GPHN: variants seen among roughly 807,000 people sequenced by gnomAD.
The protein encoded by GPHN is gephyrin.
GPHN carries 17 observed loss-of-function variants against 95.5 expected under a neutral mutation model. The observed-to-expected ratio is 0.18, with a 90% CI of 0.12 to 0.27. The LOEUF (loss-of-function observed/expected upper bound fraction) is 0.27. GPHN is among the 10% of genes least tolerant of loss of function. The pLI, the probability that GPHN is intolerant of heterozygous loss-of-function variation, is 1.00. For missense variants in GPHN, 660 were observed against 978.1 expected, an observed-to-expected ratio of 0.67 and a Z score of 4.34; for synonymous variants, 320 against 322.5, an observed-to-expected ratio of 0.99 and a Z score of 0.08.
chr14:66,696,456 G>A (rs1042783801), intron 2 of GPHN, among the ~76,000 whole-genome samples: 2 of 152,160 alleles, frequency 1.3e-5, no homozygotes, highest in Non-Finnish European at 1.5e-5. Flanking sequence ...TTGTTTTTGT[G>A]TGTGTGCCTC....
intron 8 of GPHN, among the ~76,000 whole-genome samples, chr14:66,948,343 G>T (rs2067882477): frequency 6.6e-6 from 1 of 151,954 alleles, no homozygotes; most frequent in African/African-American, 2.4e-5. Context: ...TTATAAAAAA[G>T]ATCTCTTGAT....
the GPHN span, among the ~76,000 whole-genome samples, chr14:67,609,300 T>C: frequency 6.6e-6 from 1 of 152,212 alleles, no homozygotes; most frequent in African/African-American, 2.4e-5. Context: ...TAACGCATAT[T>C]TTAAAGGATA....
At chr14:66,676,912 T>G (rs1056914673) in intron 1 of GPHN, among the ~76,000 whole-genome samples, 1 of 151,974 alleles carries the variant, frequency 6.6e-6, no homozygotes, top group Non-Finnish European at 1.5e-5. Context: ...TTAAAGCTTT[T>G]TGGTCCTGGG....
At chr14:67,106,139 C>T (rs2078028729) in intron 13 of GPHN, among the ~76,000 whole-genome samples, 1 of 152,098 alleles carries the variant, frequency 6.6e-6, no homozygotes, top group Non-Finnish European at 1.5e-5. Context: ...ACTATTTCTC[C>T]CTCATTTCCA....
the GPHN span, chr14:67,279,245 A>G: frequency 3.7e-6 from 6 of 1,613,678 alleles, no homozygotes; most frequent in South Asian, 6.6e-5. Flanking sequence ...ATCTTGCATC[A>G]CCAGAGGAAC....
At chr14:67,094,240 T>A (rs1163377330) in intron 12 of GPHN, among the ~76,000 whole-genome samples, 2 of 152,092 alleles carry the variant, frequency 1.3e-5, no homozygotes, top group African/African-American at 4.8e-5. Flanking sequence ...CAATTTCATA[T>A]CAAATAATAT....
chr14:67,643,853 A>T, the GPHN span, among the ~76,000 whole-genome samples: 5 of 2,158 alleles, frequency 2.3e-3, no homozygotes, highest in East Asian at 0.062. Context: ...CCTTGGGAGT[A>T]AAAAAAAAAA....
the GPHN span, among the ~76,000 whole-genome samples, chr14:67,328,361 C>A: frequency 1.3e-5 from 2 of 152,088 alleles, no homozygotes; most frequent in Non-Finnish European, 2.9e-5. Context: ...TGTTTAAGTT[C>A]TTTGTAGATT....
chr14:67,086,054 G>A (rs961983164), intron 11 of GPHN, among the ~76,000 whole-genome samples: 10 of 152,086 alleles, frequency 6.6e-5, no homozygotes, highest in African/African-American at 2.2e-4. Flanking sequence ...TCCTTTTTAA[G>A]GCTAAATAAT....
At chr14:67,437,449 T>C in the GPHN span, among the ~76,000 whole-genome samples, 6 of 152,068 alleles carry the variant, frequency 3.9e-5, no homozygotes, top group African/African-American at 1.2e-4. Context: ...CAGACCAAGT[T>C]AGGAGATTTC....
Position 67,007,424 on chromosome 14 carries a change from T to C in GPHN, c.964-16209T>C, listed in dbSNP as rs555901479. On this transcript the variant is annotated intron_variant, in intron 9 of 22. Transcript: ENST00000478722. ...AAAAATGTTGTGTGACCAGCAGCTC[T>C]GGATCATCTAAATGACCTCCTTTAG... 7.4e-4 allele frequency among the ~76,000 whole-genome samples: 112 copies of C among 152,364 alleles called. 3 individuals carry two copies. In the South Asian group the frequency reaches 0.023, roughly 31 times the overall value.
chr14:66,897,500 C>G (rs984996969), intron 5 of GPHN, among the ~76,000 whole-genome samples: 6 of 152,084 alleles, frequency 3.9e-5, no homozygotes, highest in Non-Finnish European at 7.4e-5. Context: ...CCCAGCCCCC[C>G]TTTCCTAAAC....
chr14:67,568,311 G>A, the GPHN span, among the ~76,000 whole-genome samples: 1 of 152,024 alleles, frequency 6.6e-6, no homozygotes, highest in Non-Finnish European at 1.5e-5. Context: ...AAATGGAGCT[G>A]GAAGCCATTA....
chr14:67,345,211 C>T, the GPHN span, among the ~76,000 whole-genome samples: 2 of 152,090 alleles, frequency 1.3e-5, no homozygotes, highest in Non-Finnish European at 2.9e-5. Flanking sequence ...CACTGCACTC[C>T]AGCCTGGGTG....
chr14:67,265,946 A>G, the GPHN span, among the ~76,000 whole-genome samples: 3 of 152,008 alleles, frequency 2.0e-5, no homozygotes, highest in African/African-American at 7.2e-5. Flanking sequence ...TCTGTCCATT[A>G]AAAAACTTTT....
At chr14:66,838,168 A>C (rs2061933582) in intron 4 of GPHN, among the ~76,000 whole-genome samples, 1 of 152,136 alleles carries the variant, frequency 6.6e-6, no homozygotes, top group African/African-American at 2.4e-5. Context: ...TAACTTTAAA[A>C]ACCTGTTTTC....
chr14:66,563,250 A>G (rs1054329682), intron 1 of GPHN, among the ~76,000 whole-genome samples: 22 of 152,190 alleles, frequency 1.4e-4, no homozygotes. Flanking sequence ...GGGGTGTAAC[A>G]TCTAATGTGA....
intron 1 of GPHN, among the ~76,000 whole-genome samples, chr14:66,511,044 A>G (rs929386281): frequency 1.3e-5 from 2 of 152,200 alleles, no homozygotes; most frequent in Non-Finnish European, 2.9e-5. Flanking sequence ...TTGAAGTCAG[A>G]AGTAACTCAG....
intron 1 of GPHN, among the ~76,000 whole-genome samples, chr14:66,675,481 G>A (rs10145765): frequency 2.0e-5 from 3 of 152,084 alleles, no homozygotes; most frequent in African/African-American, 7.2e-5. Context: ...TTGATGGGTT[G>A]TGTGAGTTCC....
Sources: allele counts gnomAD v4.1 joint callset (sites outside exome capture counted in the v4.1 genomes callset), GRCh38; gene constraint gnomAD v4.1.1; transcripts MANE v1.5; gene names NCBI Gene and HGNC (gene_info 2026-07-23, HGNC 2026-07-21).